The following DIS3L2 variants were observed in gnomAD, a reference collection of about 807,000 sequenced individuals.
DIS3L2 encodes DIS3-like exonuclease 2.
In DIS3L2, 34 loss-of-function variants were observed where a neutral mutation model predicts 97.5. The observed-to-expected ratio is 0.35, with a 90% CI of 0.27 to 0.46. The LOEUF is 0.46. Ranked by LOEUF, DIS3L2 falls within the 20% of genes least tolerant of loss-of-function variation. DIS3L2 has a pLI of 1.00. For synonymous variants in DIS3L2, 435 were observed against 445.2 expected (o/e 0.98, Z 0.29); for missense variants, 1,038 against 1,146.0 (o/e 0.91, Z 1.36).
chr2:232,147,401 T>C (rs1488055396), intron 8 of DIS3L2, among the ~76,000 whole-genome samples: 2 of 152,210 alleles, frequency 1.3e-5, no homozygotes, highest in East Asian at 3.8e-4. Context: ...ATTGATACAT[T>C]ATTAATGGAG....
chr2:232,231,268 A>G (rs1692784548), intron 10 of DIS3L2, among the ~76,000 whole-genome samples: 1 of 152,210 alleles, frequency 6.6e-6, no homozygotes, highest in African/African-American at 2.4e-5. Flanking sequence ...GGCTGATTGA[A>G]TGAATGAAGA....
chr2:232,208,323 G>A (rs1173326937), intron 9 of DIS3L2, among the ~76,000 whole-genome samples: 2 of 143,064 alleles, frequency 1.4e-5, no homozygotes, highest in Admixed American at 1.4e-4. Flanking sequence ...TTTTGTTTTT[G>A]TGTTTGAGAC....
At chr2:232,212,064 A>G (rs1692205960) in intron 10 of DIS3L2, among the ~76,000 whole-genome samples, 1 of 152,194 alleles carries the variant, frequency 6.6e-6, no homozygotes, top group Non-Finnish European at 1.5e-5. Flanking sequence ...AAACAAGAGA[A>G]AAGGTCCCCT....
At chr2:232,280,036 G>A (rs1694242413) in intron 13 of DIS3L2, among the ~76,000 whole-genome samples, 1 of 152,196 alleles carries the variant, frequency 6.6e-6, no homozygotes, top group African/African-American at 2.4e-5. Flanking sequence ...TGCTTTTGGT[G>A]TCATATCTAA....
chr2:232,283,704 G>A (rs905506643), intron 13 of DIS3L2, among the ~76,000 whole-genome samples: 2 of 152,212 alleles, frequency 1.3e-5, no homozygotes, highest in African/African-American at 4.8e-5. Flanking sequence ...AATGCTGTAT[G>A]ATTCCATTTA....
chr2:232,024,372 A>G (rs1221648533), intron 4 of DIS3L2, 42 bp downstream of exon 4: 3 of 1,466,842 alleles, frequency 2.0e-6, no homozygotes, highest in African/African-American at 1.4e-5. Flanking sequence ...GTCACATTTA[A>G]TTTTTTAGAT....
chr2:232,188,330 TA>T (rs1334317245), intron 9 of DIS3L2, among the ~76,000 whole-genome samples: 11 of 152,342 alleles, frequency 7.2e-5, no homozygotes, highest in African/African-American at 2.2e-4. Flanking sequence ...GTACATATTC[TA>T]AAAACTTGTG....
chr2:232,295,118 T>A (rs955072455), intron 13 of DIS3L2, among the ~76,000 whole-genome samples: 2 of 152,190 alleles, frequency 1.3e-5, no homozygotes, highest in African/African-American at 4.8e-5. Context: ...AGAAAAAAAT[T>A]AACAGTGGGA....
At chr2:232,077,282 T>C (rs1172063866) in intron 5 of DIS3L2, among the ~76,000 whole-genome samples, 1 of 127,630 alleles carries the variant, frequency 7.8e-6, no homozygotes, top group Admixed American at 8.4e-5. Flanking sequence ...ATACCACTCT[T>C]AGTGCCCAAT....
intron 1 of DIS3L2, among the ~76,000 whole-genome samples, chr2:231,983,470 A>G (rs1224782490): frequency 6.6e-6 from 1 of 152,212 alleles, no homozygotes; most frequent in Non-Finnish European, 1.5e-5. Flanking sequence ...GTGGTGAGCA[A>G]GCATTACTGT....
At chr2:232,311,238 C>G (rs1695123498) in intron 14 of DIS3L2, among the ~76,000 whole-genome samples, 1 of 152,234 alleles carries the variant, frequency 6.6e-6, no homozygotes, top group Non-Finnish European at 1.5e-5. Flanking sequence ...GAACACTGGT[C>G]CATGTCTCAG....
At chr2:232,087,798 T>C in intron 6 of DIS3L2, 77 bp downstream of exon 6, 1 of 1,162,306 alleles carries the variant, frequency 8.6e-7, no homozygotes, top group Non-Finnish European at 1.2e-6. Flanking sequence ...TGCTGCAGAG[T>C]AAATAACACA....
chr2:232,016,899 C>CCCCT (rs938573264), intron 3 of DIS3L2, among the ~76,000 whole-genome samples: 19 of 133,900 alleles, frequency 1.4e-4, no homozygotes, highest in East Asian at 5.1e-4. Context: ...TCCTTTTTGT[C>CCCCT]CCCTCCCTCC....
At chr2:232,078,565 A>G (rs1696286253) in intron 5 of DIS3L2, among the ~76,000 whole-genome samples, 1 of 152,200 alleles carries the variant, frequency 6.6e-6, no homozygotes, top group African/African-American at 2.4e-5. Flanking sequence ...TCTAACCCAC[A>G]TACCCTTGTG....
chr2:232,019,064 C>G (rs1447570500), intron 3 of DIS3L2, among the ~76,000 whole-genome samples: 1 of 152,106 alleles, frequency 6.6e-6, no homozygotes. Flanking sequence ...GCAGAATTGG[C>G]TGTTTCAGAT....
chr2:232,336,224 A>G, intron 20 of DIS3L2: 1 of 1,538,702 alleles, frequency 6.5e-7, no homozygotes, highest in Non-Finnish European at 8.8e-7. Flanking sequence ...TGTGCCCTGA[A>G]CGCGGACCCA....
At chr2:232,167,867 T>A (rs1365114857) in intron 9 of DIS3L2, among the ~76,000 whole-genome samples, 3 of 152,104 alleles carry the variant, frequency 2.0e-5, no homozygotes, top group African/African-American at 4.8e-5. Context: ...CTGGCCAACA[T>A]GGTGAAACCC....
chr2:232,276,806 C>T lies in DIS3L2; in HGVS notation c.1659+13366C>T, dbSNP rs1358535555. On this transcript the variant is annotated intron_variant, in intron 13 of 20. Transcript: ENST00000325385. The surrounding 1 kb of genome is among the most constrained non-coding windows in gnomAD (Gnocchi z 4.4). ...CTTGTCAGTGAAATGGAGAGCATAA[C>T]AGTACCTACGTTATAGGAATATTAG... Among the ~76,000 whole-genome samples the T allele has an allele frequency of 6.6e-6, 1 of 152,214 alleles. No individual in the cohort carries two copies. The highest frequency in any genetic ancestry group is 2.4e-5 in the African/African-American group (1 of 41,458).
rs1284112177 is a variant in DIS3L2 at position 232,037,927 on chromosome 2, C to T, written c.366+7847C>T. ...CCTCAGTTGGAAATGCAGAAATCAC[C>T]AGCCTTCTGCGTTGGTCTCACTGGG... On this transcript the variant is annotated intron_variant, in intron 5 of 20. Transcript: ENST00000325385. This position sits in a 1 kb window ranked among gnomAD's most constrained non-coding sequence, Gnocchi z 4.6. Among the ~76,000 whole-genome samples the T allele has an allele frequency of 6.6e-6, 1 of 152,222 alleles. No individual in the cohort carries two copies. Among genetic ancestry groups the T allele is most frequent in the East Asian group, 1.9e-4 (1 of 5,200 alleles).
Sources: gnomAD v4.1 joint callset for allele counts (sites outside exome capture counted in the v4.1 genomes callset) on GRCh38, gnomAD v4.1.1 for gene constraint, Gnocchi (gnomAD v3.1) non-coding constraint, MANE v1.5 for transcripts, NCBI Gene and HGNC (gene_info 2026-07-23, HGNC 2026-07-21) for gene names.